Variants in UNC5D observed in about 807,000 individuals in gnomAD.
UNC5D encodes the protein netrin receptor UNC5D.
Under a neutral mutation model 105.4 loss-of-function variants are expected in UNC5D, and 39 were observed. The observed-to-expected ratio is 0.37, with a 90% CI of 0.29 to 0.48. The LOEUF (loss-of-function observed/expected upper bound fraction) is 0.48. Among genes scored for constraint, UNC5D ranks in the 20% least tolerant of loss-of-function variants. The pLI is 0.98. For synonymous variants in UNC5D, 452 were observed against 450.4 expected, an observed-to-expected ratio of 1.00 and a Z score of -0.04; for missense variants, 991 against 1,202.4, an observed-to-expected ratio of 0.82 and a Z score of 2.60.
chr8:35,346,697 A>G (rs1166052151), intron 1 of UNC5D, among the ~76,000 whole-genome samples: 3 of 152,018 alleles, frequency 2.0e-5, no homozygotes, highest in Non-Finnish European at 4.4e-5. Context: ...AATTGGTACC[A>G]TGGCCTTGAG....
At chr8:35,398,425 A>G (rs1035329378) in intron 1 of UNC5D, among the ~76,000 whole-genome samples, 1 of 152,116 alleles carries the variant, frequency 6.6e-6, no homozygotes, top group Non-Finnish European at 1.5e-5. Flanking sequence ...GTGAAGTTTC[A>G]GGAGCTCATG....
intron 8 of UNC5D, among the ~76,000 whole-genome samples, chr8:35,721,262 T>G (rs899404911): frequency 1.4e-4 from 22 of 152,058 alleles, no homozygotes; most frequent in African/African-American, 4.8e-4. Flanking sequence ...TTGAGACTTA[T>G]ATTATCTCAG....
chr8:35,706,516 G>A (rs1255391135), intron 8 of UNC5D, among the ~76,000 whole-genome samples: 2 of 152,212 alleles, frequency 1.3e-5, no homozygotes, highest in East Asian at 3.9e-4. Context: ...CAGAGCTGGA[G>A]AGAGGAGATG....
chr8:35,761,082 TAGAG>T (rs1378639772), intron 14 of UNC5D, among the ~76,000 whole-genome samples: 2 of 152,162 alleles, frequency 1.3e-5, no homozygotes, highest in Non-Finnish European at 2.9e-5. Flanking sequence ...ATTTTTTCCA[TAGAG>T]AGAAGTTTTC....
At chr8:35,615,508 T>C (rs747986897) in intron 4 of UNC5D, among the ~76,000 whole-genome samples, 1 of 152,160 alleles carries the variant, frequency 6.6e-6, no homozygotes, top group Non-Finnish European at 1.5e-5. Flanking sequence ...TATTTTATTT[T>C]ATTTAATTTT....
At chr8:35,401,972 G>A (rs1394681037) in intron 1 of UNC5D, among the ~76,000 whole-genome samples, 1 of 152,142 alleles carries the variant, frequency 6.6e-6, no homozygotes, top group African/African-American at 2.4e-5. Flanking sequence ...GTAAATAATG[G>A]ATTGAGCCTG....
At chr8:35,368,468 G>T (rs183134185) in intron 1 of UNC5D, among the ~76,000 whole-genome samples, 2 of 151,928 alleles carry the variant, frequency 1.3e-5, no homozygotes, top group East Asian at 1.9e-4. Flanking sequence ...TAAAAGCAAA[G>T]ACATTCTATT....
intron 1 of UNC5D, among the ~76,000 whole-genome samples, chr8:35,243,194 C>A (rs1254335027): frequency 6.6e-6 from 1 of 151,962 alleles, no homozygotes; most frequent in Non-Finnish European, 1.5e-5. Flanking sequence ...ATTGTTTTTT[C>A]TTTTGCAAGC....
intron 1 of UNC5D, among the ~76,000 whole-genome samples, chr8:35,247,438 C>T (rs1393171657): frequency 7.1e-6 from 1 of 141,022 alleles, no homozygotes; most frequent in Non-Finnish European, 1.5e-5. Context: ...AGCTTTTGTT[C>T]CAGTTACTTA....
intron 1 of UNC5D, among the ~76,000 whole-genome samples, chr8:35,415,924 G>A (rs193058447): frequency 6.6e-6 from 1 of 152,210 alleles, no homozygotes; most frequent in East Asian, 1.9e-4. Context: ...ATTTGTGCTG[G>A]ACATTTACCT....
At chr8:35,394,546 A>G (rs557729222) in intron 1 of UNC5D, among the ~76,000 whole-genome samples, 1 of 152,142 alleles carries the variant, frequency 6.6e-6, no homozygotes, top group African/African-American at 2.4e-5. Flanking sequence ...CTTTACCTGC[A>G]TCTAGATAAT....
chr8:35,464,800 T>G lies in UNC5D; in HGVS notation c.104-84492T>G, dbSNP rs138005736. 2.6e-5 allele frequency among the ~76,000 whole-genome samples: 4 copies of G among 152,350 alleles called. No individual in the cohort carries two copies. The East Asian group carries it at 7.7e-4, about 29-fold the overall frequency. ...CCATCTCCCAAGTCATGGGCTACTG[T>G]GTTCCCACACATAACAGCATAACAT... On this transcript the variant is annotated intron_variant, in intron 1 of 16. Transcript: ENST00000404895.
intron 4 of UNC5D, among the ~76,000 whole-genome samples, chr8:35,673,853 A>T (rs1219452965): frequency 6.6e-6 from 1 of 152,172 alleles, no homozygotes; most frequent in Non-Finnish European, 1.5e-5. Context: ...GTCTTCTTAA[A>T]CATTTTAGGA....
intron 4 of UNC5D, among the ~76,000 whole-genome samples, chr8:35,613,633 GA>G (rs1448121158): frequency 6.6e-6 from 1 of 152,172 alleles, no homozygotes; most frequent in African/African-American, 2.4e-5. Context: ...TGGGTCACTT[GA>G]GGCCAGGAGT....
chr8:35,442,105 A>G (rs1295089837), intron 1 of UNC5D, among the ~76,000 whole-genome samples: 1 of 151,916 alleles, frequency 6.6e-6, no homozygotes, highest in Non-Finnish European at 1.5e-5. Flanking sequence ...CCTGTTTATT[A>G]TAAATTGACA....
chr8:35,250,889 A>C (rs1357934875), intron 1 of UNC5D, among the ~76,000 whole-genome samples: 4 of 152,116 alleles, frequency 2.6e-5, no homozygotes, highest in African/African-American at 9.7e-5. Context: ...CCCAGTGTGT[A>C]GGTCCCATTT....
intron 16 of UNC5D, among the ~76,000 whole-genome samples, chr8:35,788,530 A>G (rs1353288035): frequency 1.3e-5 from 2 of 152,204 alleles, no homozygotes; most frequent in South Asian, 2.1e-4. Context: ...TGAAGACAGC[A>G]TGCCATCTTA....
rs560470118 is a variant in UNC5D, at chr8:35,331,117, A to G, written c.103+95230A>G. ...TGGAGAAGCAGAAATAAAGGCAGAG[A>G]GATTAAGAGACAGGAAAAAGAGGAA... On this transcript the variant is annotated intron_variant, in intron 1 of 16. Coordinates refer to ENST00000404895, the MANE Select transcript of UNC5D (RefSeq NM_080872.4). Among the ~76,000 whole-genome samples, 7 of 152,228 alleles carry G rather than the reference A, an allele frequency of 4.6e-5. No individual in the cohort carries two copies. In the South Asian group the frequency reaches 1.2e-3, roughly 27 times the overall value.
At chr8:35,250,630 G>A (rs529312216) in intron 1 of UNC5D, among the ~76,000 whole-genome samples, 2 of 152,288 alleles carry the variant, frequency 1.3e-5, no homozygotes, top group East Asian at 3.9e-4. Flanking sequence ...GAGTAGCTGG[G>A]ATTACAGGTG....
Sources: allele counts gnomAD v4.1 joint callset (sites outside exome capture counted in the v4.1 genomes callset), GRCh38; gene constraint gnomAD v4.1.1; transcripts MANE v1.5; gene names NCBI Gene and HGNC (gene_info 2026-07-23, HGNC 2026-07-21).